PARP8: variants seen among roughly 807,000 people sequenced by gnomAD.
The protein encoded by PARP8 is protein mono-ADP-ribosyltransferase PARP8.
Under a neutral mutation model 124.1 loss-of-function variants are expected in PARP8, and 51 were observed. That is an observed-to-expected ratio of 0.41 (90% CI 0.33 to 0.52). PARP8 has a LOEUF of 0.52. Among genes scored for constraint, PARP8 ranks in the 20% least tolerant of loss-of-function variants. The pLI is 0.21. For missense variants in PARP8, 860 were observed against 1,018.9 expected (o/e 0.84, Z 2.12); for synonymous variants, 391 against 361.5 (o/e 1.08, Z -0.93).
chr5:50,776,185 G>A (rs578175464), intron 7 of PARP8, among the ~76,000 whole-genome samples: 4 of 152,282 alleles, frequency 2.6e-5, no homozygotes, highest in African/African-American at 7.2e-5. Context: ...GATGTATCAC[G>A]TTTATTGATT....
At chr5:50,669,143 T>A (rs920020139) in intron 2 of PARP8, 5 of 152,308 alleles carry the variant, frequency 3.3e-5, no homozygotes, top group Middle Eastern at 3.4e-3. Context: ...TTCCAGTATA[T>A]GCAATATACC....
intron 2 of PARP8, among the ~76,000 whole-genome samples, chr5:50,749,620 C>T (rs1055091261): frequency 1.3e-5 from 2 of 151,772 alleles, no homozygotes; most frequent in Non-Finnish European, 2.9e-5. Context: ...TTTATATATA[C>T]GTGTGTGTGC....
chr5:50,788,652 C>T, intron 10 of PARP8, 63 bp downstream of exon 10: 1 of 1,375,198 alleles, frequency 7.3e-7, no homozygotes, highest in Non-Finnish European at 1.0e-6. Context: ...TCATTTTGTT[C>T]ATTAAAACAA....
intron 2 of PARP8, among the ~76,000 whole-genome samples, chr5:50,723,349 A>G (rs1756098298): frequency 6.6e-6 from 1 of 152,062 alleles, no homozygotes; most frequent in Non-Finnish European, 1.5e-5. Flanking sequence ...CTAGGTATAG[A>G]TTGTTGTCTC....
chr5:50,686,088 G>A (rs554507350), intron 2 of PARP8, among the ~76,000 whole-genome samples: 46 of 152,286 alleles, frequency 3.0e-4, no homozygotes, highest in African/African-American at 9.6e-4. Flanking sequence ...CAAAAGTCCA[G>A]TCCAAAGTCT....
intron 2 of PARP8, among the ~76,000 whole-genome samples, chr5:50,732,514 A>G (rs1757069004): frequency 6.6e-6 from 1 of 152,242 alleles, no homozygotes; most frequent in Non-Finnish European, 1.5e-5. Flanking sequence ...GAAACAGTAT[A>G]TAGTTGACTA....
intron 3 of PARP8, among the ~76,000 whole-genome samples, chr5:50,752,434 T>C (rs1286172664): frequency 1.7e-4 from 26 of 152,058 alleles, no homozygotes; most frequent in Admixed American, 1.4e-3. Context: ...TTCTGTTTCT[T>C]AGTCATTTTA....
At chr5:50,694,758 C>G (rs1285579194) in intron 2 of PARP8, among the ~76,000 whole-genome samples, 1 of 152,178 alleles carries the variant, frequency 6.6e-6, no homozygotes, top group African/African-American at 2.4e-5. Context: ...AATAGTCTGT[C>G]TGCAAGCTGA....
intron 2 of PARP8, among the ~76,000 whole-genome samples, chr5:50,714,791 C>T (rs1755131634): frequency 6.6e-6 from 1 of 152,072 alleles, no homozygotes; most frequent in African/African-American, 2.4e-5. Flanking sequence ...CTCCCTCCTG[C>T]AGCTGACTGT....
chr5:50,832,643 C>T, intron 22 of PARP8, 138 bp from the exon 23 acceptor site: 1 of 727,884 alleles, frequency 1.4e-6, no homozygotes, highest in Non-Finnish European at 2.2e-6. Context: ...GGGCTAAGGG[C>T]ACAGCCCTTT....
At chr5:50,783,490 A>G (rs977740309) in intron 9 of PARP8, among the ~76,000 whole-genome samples, 1 of 152,156 alleles carries the variant, frequency 6.6e-6, no homozygotes, top group African/African-American at 2.4e-5. Flanking sequence ...TATTCTCTTA[A>G]CCACTTCTGT....
chr5:50,838,118 T>C (rs1747790088), intron 25 of PARP8, among the ~76,000 whole-genome samples: 1 of 152,144 alleles, frequency 6.6e-6, no homozygotes, highest in South Asian at 2.1e-4. Context: ...CAAAAAGGGC[T>C]AATACCTCAA....
At chr5:50,743,367 C>T (rs537919939) in intron 2 of PARP8, among the ~76,000 whole-genome samples, 3 of 151,620 alleles carry the variant, frequency 2.0e-5, no homozygotes, top group African/African-American at 4.8e-5. Context: ...TGATGATGAA[C>T]ATGAAAGTGA....
intron 2 of PARP8, among the ~76,000 whole-genome samples, chr5:50,717,118 TA>T (rs1330544812): frequency 6.6e-6 from 1 of 152,072 alleles, no homozygotes; most frequent in Non-Finnish European, 1.5e-5. Flanking sequence ...ACATAATTTG[TA>T]AATATATACT....
chr5:50,709,979 CACAT>C (rs1363845057), intron 2 of PARP8, among the ~76,000 whole-genome samples: 3 of 138,666 alleles, frequency 2.2e-5, no homozygotes, highest in Non-Finnish European at 3.2e-5. Context: ...TACACACACA[CACAT>C]ATATATACAT....
intron 2 of PARP8, among the ~76,000 whole-genome samples, chr5:50,689,303 C>T (rs1202414718): frequency 6.6e-6 from 1 of 152,154 alleles, no homozygotes; most frequent in African/African-American, 2.4e-5. Context: ...GTAGCCTAGG[C>T]TATGCTGCAA....
intron 10 of PARP8, among the ~76,000 whole-genome samples, chr5:50,789,319 A>G (rs966375669): frequency 1.3e-5 from 2 of 152,126 alleles, no homozygotes; most frequent in African/African-American, 4.8e-5. Flanking sequence ...GCATCTTAGA[A>G]GTAAATAGAG....
At chr5:50,764,288 A>G (rs1760843803) in intron 7 of PARP8, among the ~76,000 whole-genome samples, 1 of 152,060 alleles carries the variant, frequency 6.6e-6, no homozygotes, top group Non-Finnish European at 1.5e-5. Flanking sequence ...TTAATTCTTC[A>G]TGTATTCTGG....
chr5:50,763,304 T>C (rs1309963660), intron 7 of PARP8, 62 bp downstream of exon 7: 4 of 1,343,524 alleles, frequency 3.0e-6, no homozygotes, highest in Non-Finnish European at 3.2e-6. Context: ...AAATTTACTT[T>C]TGGAGTAATT....
Sources: gnomAD v4.1 joint callset for allele counts (sites outside exome capture counted in the v4.1 genomes callset) on GRCh38, gnomAD v4.1.1 for gene constraint, MANE v1.5 for transcripts, NCBI Gene and HGNC (gene_info 2026-07-23, HGNC 2026-07-21) for gene names.